MALRD1: variants seen among roughly 807,000 people sequenced by gnomAD.
The protein encoded by MALRD1 is MAM and LDL-receptor class A domain-containing protein 1.
MALRD1 carries 247 observed loss-of-function variants against 242.1 expected under a neutral mutation model. That is an observed-to-expected ratio of 1.02 (90% CI 0.92 to 1.13). The LOEUF (loss-of-function observed/expected upper bound fraction) is 1.13. Among genes scored for constraint, MALRD1 ranks in the 50% most tolerant of loss-of-function variants. The pLI is 0.00. For missense variants in MALRD1, 2,989 were observed against 2,533.1 expected (o/e 1.18, Z -3.86); for synonymous variants, 995 against 866.6 (o/e 1.15, Z -2.60).
intron 36 of MALRD1, among the ~76,000 whole-genome samples, chr10:19,623,423 A>G (rs1691317034): frequency 6.6e-6 from 1 of 152,162 alleles, no homozygotes; most frequent in Non-Finnish European, 1.5e-5. Context: ...GGATATGTAT[A>G]GATATATAAG....
At position 19,182,924 on chromosome 10, in the gene MALRD1, T is replaced by A. The variant is rs986357604; in HGVS notation, c.1951+7596T>A. Among the ~76,000 whole-genome samples the A allele has an allele frequency of 3.3e-5, 5 of 152,196 alleles. No individual in the cohort carries two copies. In the South Asian group the frequency reaches 6.2e-4, roughly 19 times the overall value. On this transcript the variant is annotated intron_variant, in intron 14 of 39. Coordinates refer to ENST00000454679, the MANE Select transcript of MALRD1 (RefSeq NM_001142308.3). ...TTAGTAATTATTTCTTTAATCACAG[T>A]ACATTTTATAATCTGAAATGTATTA...
intron 18 of MALRD1, among the ~76,000 whole-genome samples, chr10:19,233,217 A>G (rs570264615): frequency 4.3e-4 from 65 of 152,210 alleles, no homozygotes; most frequent in African/African-American, 1.2e-3. Flanking sequence ...AAACTATTCA[A>G]TTGGCTGGGC....
chr10:19,660,783 A>T (rs889751545), intron 36 of MALRD1, among the ~76,000 whole-genome samples: 16 of 152,180 alleles, frequency 1.1e-4, no homozygotes, highest in Admixed American at 5.2e-4. Flanking sequence ...CTAGTTAGCC[A>T]TAGTTCTCAT....
intron 12 of MALRD1, among the ~76,000 whole-genome samples, chr10:19,159,829 A>G (rs979091778): frequency 6.6e-6 from 1 of 152,132 alleles, no homozygotes; most frequent in Non-Finnish European, 1.5e-5. Flanking sequence ...ATATGCAGTA[A>G]CTGGTGTAAA....
At chr10:19,438,155 C>T (rs2130971705) in intron 28 of MALRD1, among the ~76,000 whole-genome samples, 1 of 152,154 alleles carries the variant, frequency 6.6e-6, no homozygotes, top group Admixed American at 6.6e-5. Context: ...ACCACCATTT[C>T]ACTTTCTGTC....
At chr10:19,270,807 A>AACACACAC (rs71387059) in intron 19 of MALRD1, among the ~76,000 whole-genome samples, 9,808 of 145,022 alleles carry the variant, frequency 0.068, 386 homozygotes, top group South Asian at 0.088. Context: ...TTCAAAGGAT[A>AACACACAC]ACACACACAC....
chr10:19,079,237 C>T lies in MALRD1; in HGVS notation c.341-8603C>T, dbSNP rs138833552. On this transcript the variant is annotated intron_variant, in intron 2 of 39. Coordinates refer to ENST00000454679, the MANE Select transcript of MALRD1 (RefSeq NM_001142308.3). ...ACATCTCTTGTGATTTCTTCTTTAG[C>T]CTATTGGTTATTTAGGAGACTATTA... 5.9e-5 allele frequency among the ~76,000 whole-genome samples: 9 copies of T among 151,606 alleles called. No individual in the cohort carries two copies. The East Asian group carries it at 9.7e-4, about 16-fold the overall frequency.
At chr10:19,519,817 C>G (rs899871295) in intron 31 of MALRD1, among the ~76,000 whole-genome samples, 1 of 152,030 alleles carries the variant, frequency 6.6e-6, no homozygotes, top group Non-Finnish European at 1.5e-5. Context: ...TATATTTGTT[C>G]AATGATTAAG....
At chr10:19,241,720 T>G (rs959079204) in intron 18 of MALRD1, among the ~76,000 whole-genome samples, 1 of 152,190 alleles carries the variant, frequency 6.6e-6, no homozygotes, top group African/African-American at 2.4e-5. Context: ...AGAACTGCTT[T>G]TGCTACGTTC....
At chr10:19,412,226 G>A (rs576091839) in intron 28 of MALRD1, among the ~76,000 whole-genome samples, 18 of 152,330 alleles carry the variant, frequency 1.2e-4, no homozygotes, top group African/African-American at 4.1e-4. Flanking sequence ...GGGAGGTGGA[G>A]GTTGCAGTGA....
At chr10:19,235,089 T>C (rs1330921695) in intron 18 of MALRD1, among the ~76,000 whole-genome samples, 10 of 152,284 alleles carry the variant, frequency 6.6e-5, no homozygotes, top group Non-Finnish European at 1.5e-5. Flanking sequence ...TCTCAGATGT[T>C]ATAGTCATGA....
upstream of MALRD1, among the ~76,000 whole-genome samples, chr10:19,047,759 A>G (rs1229682062): frequency 6.6e-6 from 1 of 152,146 alleles, no homozygotes; most frequent in Non-Finnish European, 1.5e-5. Flanking sequence ...ATGTCTACAC[A>G]AAATGTATGT....
rs759213931 is a variant in MALRD1 at position 19,504,664 on chromosome 10, A to ATTTTTTTT, written c.5320+6040_5320+6047dup. On this transcript the variant is annotated intron_variant, in intron 31 of 39. Transcript: ENST00000454679. ...ACATATAATGACTATATTGTAACACATTTTTTTTTTTTTTTTTTTTTTTTT... is the reference window on the plus strand; with the variant it reads ...ACATATAATGACTATATTGTAACACATTTTTTTTTTTTTTTTTTTTTTTTTTTTTTTTT... Among the ~76,000 whole-genome samples the ATTTTTTTT allele has an allele frequency of 2.4e-4, 23 of 97,590 alleles. 1 individual carries two copies. Among genetic ancestry groups the ATTTTTTTT allele is most frequent in the African/African-American group, 8.7e-4 (19 of 21,824 alleles). 64.0% of individuals were successfully genotyped at this position (97,590 alleles called of 152,430 possible).
chr10:19,355,859 T>TATATATAC lies in MALRD1; in HGVS notation c.4441+3568_4441+3569insACATATAT, dbSNP rs1348787430. 1.1e-4 allele frequency among the ~76,000 whole-genome samples: 2 copies of TATATATAC among 18,262 alleles called. 1 individual carries two copies. Among genetic ancestry groups the TATATATAC allele is most frequent in the Non-Finnish European group, 1.7e-4 (2 of 11,548 alleles). The allele number at this position is 18,262 out of a possible 152,430, so 12.0% of individuals were successfully genotyped here. ...GAACATATATTATATATATATATAT[T>TATATATAC]ATATATGATATATATTAGCTAAGCA... On this transcript the variant is annotated intron_variant, in intron 26 of 39. Coordinates refer to ENST00000454679, the MANE Select transcript of MALRD1 (RefSeq NM_001142308.3).
chr10:19,715,749 G>A (rs1325561312), intron 38 of MALRD1, among the ~76,000 whole-genome samples: 1 of 152,188 alleles, frequency 6.6e-6, no homozygotes, highest in African/African-American at 2.4e-5. Context: ...GAGGCCTCAG[G>A]CAACTTACAA....
chr10:19,323,750 A>G (rs948603331), intron 21 of MALRD1, among the ~76,000 whole-genome samples, 199 bp from the exon 22 acceptor site: 1 of 152,114 alleles, frequency 6.6e-6, no homozygotes, highest in East Asian at 1.9e-4. Context: ...CTGGGATTAC[A>G]GGCACACGCC....
chr10:19,520,189 C>T (rs987443425), intron 31 of MALRD1, among the ~76,000 whole-genome samples: 1 of 152,054 alleles, frequency 6.6e-6, no homozygotes, highest in Non-Finnish European at 1.5e-5. Flanking sequence ...CATTGAAACT[C>T]GTGTGTATCT....
chr10:19,122,643 T>G (rs1383420960), intron 5 of MALRD1, among the ~76,000 whole-genome samples: 2 of 152,060 alleles, frequency 1.3e-5, no homozygotes, highest in African/African-American at 4.8e-5. Flanking sequence ...GAGAATTGTC[T>G]GCAAGTGGTA....
rs61852839 is a variant in MALRD1, at chr10:19,058,275, T to C, written c.200-8444T>C. On this transcript the variant is annotated intron_variant, in intron 1 of 39. Coordinates refer to ENST00000454679, the MANE Select transcript of MALRD1 (RefSeq NM_001142308.3). ...CAATACCAACCACCATACCATGCTG[T>C]TTTTATTACATACAACAAATGAATA... Among the ~76,000 whole-genome samples the C allele has an allele frequency of 4.5e-3, 681 of 152,310 alleles. 6 individuals carry two copies. Among genetic ancestry groups the C allele is most frequent in the Non-Finnish European group, 7.4e-3 (501 of 68,030 alleles).
Sources: gnomAD v4.1 joint callset for allele counts (sites outside exome capture counted in the v4.1 genomes callset) on GRCh38, gnomAD v4.1.1 for gene constraint, MANE v1.5 for transcripts, NCBI Gene and HGNC (gene_info 2026-07-23, HGNC 2026-07-21) for gene names.